Variants in FBXO40 observed in about 807,000 individuals in gnomAD.
FBXO40 encodes F-box protein 40.
Under a neutral mutation model 49.9 loss-of-function variants are expected in FBXO40, and 50 were observed. The observed-to-expected ratio is 1.00, with a 90% CI of 0.80 to 1.27. The LOEUF (loss-of-function observed/expected upper bound fraction) is 1.27, where lower values mean the gene tolerates loss of function less well. Among genes scored for constraint, FBXO40 ranks in the 50% most tolerant of loss-of-function variants. The probability of loss-of-function intolerance (pLI) is 0.00; values close to 1 mark genes in which losing one functional copy is unlikely to be tolerated. For synonymous variants in FBXO40, 340 were observed against 320.2 expected, an observed-to-expected ratio of 1.06 and a Z score of -0.66; for missense variants, 895 against 870.1, an observed-to-expected ratio of 1.03 and a Z score of -0.36.
chr3:121,603,447 C>T (rs11719653), intron 1 of FBXO40, among the ~76,000 whole-genome samples: 54,210 of 152,098 alleles, frequency 0.36, 10,174 homozygotes, highest in East Asian at 0.65. Flanking sequence ...TCAGTGTTAT[C>T]GATGACCATC....
At chr3:121,603,584 A>G (rs541293071) in intron 1 of FBXO40, among the ~76,000 whole-genome samples, 6 of 152,372 alleles carry the variant, frequency 3.9e-5, no homozygotes, top group African/African-American at 1.4e-4. Flanking sequence ...TTCTGTAATT[A>G]TAAGTGGTGG....
At chr3:121,606,756 C>G (rs1023575619) in intron 1 of FBXO40, among the ~76,000 whole-genome samples, 5 of 152,212 alleles carry the variant, frequency 3.3e-5, no homozygotes, top group African/African-American at 1.2e-4. Flanking sequence ...AGCCAGGTCT[C>G]TGATGTTTCC....
At chr3:121,619,426 A>C (rs1015313090) in intron 1 of FBXO40, among the ~76,000 whole-genome samples, 8 of 152,224 alleles carry the variant, frequency 5.3e-5, no homozygotes, top group African/African-American at 1.9e-4. Context: ...GCAAACTGGC[A>C]ACCTACAGAT....
intron 1 of FBXO40, among the ~76,000 whole-genome samples, chr3:121,598,642 G>C (rs1195431868): frequency 6.6e-6 from 1 of 152,182 alleles, no homozygotes; most frequent in Non-Finnish European, 1.5e-5. Context: ...CACTACACCG[G>C]GTGAGCAAGG....
rs1345410220 is a variant in FBXO40 at position 121,627,968 on chromosome 3, T to C, written c.*1058T>C. 5.0e-6 allele frequency: 2 copies of C among 398,452 alleles called. No individual in the cohort carries two copies. The allele number at this position is 398,452 out of a possible 1,614,324, so 24.7% of individuals were successfully genotyped here. A position where few individuals can be genotyped will look rare whatever the true frequency, so the allele number is the denominator to read the frequency against. ...GAGGAAGACATGTGAACATAACGGC[T>C]CCCTGAAATTGCTCCTACCCATCCA... On this transcript the variant is annotated 3_prime_UTR_variant, in exon 4 of 4. Coordinates refer to ENST00000338040, the MANE Select transcript of FBXO40 (RefSeq NM_016298.4).
rs201011500 is a variant in FBXO40 at position 121,621,697 on chromosome 3, G to A, written c.268G>A (p.Ala90Thr). ...KLAKHLQVCP[A>T]SVVCCSMEWN... is the part of the protein sequence containing the mutation. ...GGCCAAGCACCTGCAGGTGTGCCCC[G>A]CCAGCGTGGTCTGCTGCTCCATGGA... The change falls in exon 3 of 4, where the codon GCC becomes ACC. Residue 90 changes from alanine (A) to threonine (T), a missense_variant. Physicochemically the swap from Ala to Thr is moderately conservative, Grantham distance 58. Coordinates refer to ENST00000338040, the MANE Select transcript of FBXO40 (RefSeq NM_016298.4). 103 of 1,614,056 alleles carry A rather than the reference G, an allele frequency of 6.4e-5. No individual in the cohort carries two copies. The highest frequency in any genetic ancestry group is 1.2e-4 in the South Asian group (11 of 91,090).
rs756823315 is a variant in FBXO40 at position 121,622,264 on chromosome 3, C to T, written c.835C>T (p.Arg279Cys). 13 of 1,614,060 alleles carry T rather than the reference C, an allele frequency of 8.1e-6. No individual in the cohort carries two copies. The highest frequency in any genetic ancestry group is 5.5e-5 in the South Asian group (5 of 91,060). ...PQENQKQQDVRTAMETTGLAP... is the reference protein window; with the variant it reads ...PQENQKQQDVCTAMETTGLAP... ...GGAAAATCAGAAGCAGCAGGACGTTCGTACAGCCATGGAAACCACAGGGCT... is the reference window on the plus strand; with the variant it reads ...GGAAAATCAGAAGCAGCAGGACGTTTGTACAGCCATGGAAACCACAGGGCT... The change falls in exon 3 of 4, where the codon CGT (arginine) becomes TGT (cysteine). Residue 279 changes from arginine to cysteine, a missense_variant. Arg to Cys is a radical substitution (Grantham distance 180). Transcript: ENST00000338040.
intron 1 of FBXO40, among the ~76,000 whole-genome samples, chr3:121,612,501 G>A (rs1040615357): frequency 6.6e-6 from 1 of 152,150 alleles, no homozygotes; most frequent in Non-Finnish European, 1.5e-5. Flanking sequence ...GGAACCAGCT[G>A]GGGGAAGCCT....
At chr3:121,612,750 G>T (rs910731111) in intron 1 of FBXO40, among the ~76,000 whole-genome samples, 5 of 151,912 alleles carry the variant, frequency 3.3e-5, no homozygotes, top group African/African-American at 7.3e-5. Context: ...CCTCTCAAAG[G>T]ATATTGGGGC....
rs750701734 is a variant in FBXO40 at position 121,626,914 on chromosome 3, T to C, written c.*4T>C. 46 of 1,613,562 alleles carry C rather than the reference T, an allele frequency of 2.9e-5. No homozygotes were observed. Among genetic ancestry groups the C allele is most frequent in the Non-Finnish European group, 3.6e-5 (43 of 1,179,648 alleles). ...ACGAGGAAGATACGTCTCCTAAAAA[T>C]TCAGATGCCACTCGATGCACCCTTC... On this transcript the variant is annotated 3_prime_UTR_variant, in exon 4 of 4. Transcript: ENST00000338040.
At chr3:121,609,218 C>T (rs2048951289) in intron 1 of FBXO40, among the ~76,000 whole-genome samples, 1 of 151,602 alleles carries the variant, frequency 6.6e-6, no homozygotes, top group African/African-American at 2.4e-5. Context: ...AAGAGAGAAA[C>T]AAATAGTAAA....
At chr3:121,603,894 A>G (rs1221733800) in intron 1 of FBXO40, among the ~76,000 whole-genome samples, 1 of 151,766 alleles carries the variant, frequency 6.6e-6, no homozygotes, top group Non-Finnish European at 1.5e-5. Flanking sequence ...AATTTTTTGT[A>G]TTGTTAGTAG....
At position 121,623,305 on chromosome 3, in the gene FBXO40, T is replaced by G. The variant is rs773454337; in HGVS notation, c.1876T>G (p.Tyr626Asp). 6.2e-7 allele frequency: 1 copy of G among 1,614,164 alleles called. No individual in the cohort carries two copies. Among genetic ancestry groups the G allele is most frequent in the South Asian group, 1.1e-5 (1 of 91,070 alleles). The change falls in exon 3 of 4, where the codon TAT (tyrosine) becomes GAT (aspartate). Residue 626 changes from tyrosine (Y) to aspartate (D), a missense_variant. Transcript: ENST00000338040. The stretch of plus-strand genomic sequence containing the variant: ...CCTTTTGCAATGGAAGAAAAAGAGG[T>G]ATTCCCATGGAGGCACCTCCTGGAG... ...MVLLQWKKKR[Y>D]SHGGTSWRVH...
At position 121,628,169 on chromosome 3, in the gene FBXO40, C is replaced by CTTTT; in HGVS notation, c.*1269_*1272dup. 3.7e-6 allele frequency: 1 copy of CTTTT among 269,470 alleles called. No individual in the cohort carries two copies. Among genetic ancestry groups the CTTTT allele is most frequent in the Non-Finnish European group, 6.8e-6 (1 of 147,146 alleles). The allele number at this position is 269,470 out of a possible 1,614,324, so 16.7% of individuals were successfully genotyped here. ...TATTGACATTTTTAAATGGATAATTCTTTTTTTTTTTTTCTAGGTGGGGAG... is the reference window on the plus strand; with the variant it reads ...TATTGACATTTTTAAATGGATAATTCTTTTTTTTTTTTTTTTTCTAGGTGGGGAG... On this transcript the variant is annotated 3_prime_UTR_variant, in exon 4 of 4. Coordinates refer to ENST00000338040, the MANE Select transcript of FBXO40 (RefSeq NM_016298.4).
At chr3:121,620,235 T>C (rs1314282349) in intron 1 of FBXO40, among the ~76,000 whole-genome samples, 1 of 152,190 alleles carries the variant, frequency 6.6e-6, no homozygotes, top group East Asian at 1.9e-4. Flanking sequence ...GAGAAAGTTA[T>C]AGGAAGCAGA....
chr3:121,624,574 G>C (rs921237653), intron 3 of FBXO40, among the ~76,000 whole-genome samples: 1 of 152,106 alleles, frequency 6.6e-6, no homozygotes, highest in Non-Finnish European at 1.5e-5. Context: ...TGGGGCTAAC[G>C]TAAATGGAGC....
rs1354345480 is a variant in FBXO40, at chr3:121,620,526, A to G, written c.-30-20A>G. On this transcript the variant is annotated intron_variant, in intron 1 of 3. Coordinates refer to ENST00000338040, the MANE Select transcript of FBXO40 (RefSeq NM_016298.4). ...TAACTGTTTTTCTTACTAATTATTT[A>G]TATTCATATTTTCCCGTAGAGCTAA... 1.9e-6 allele frequency: 3 copies of G among 1,610,886 alleles called. No homozygotes were observed. Among genetic ancestry groups the G allele is most frequent in the Admixed American group, 1.7e-5 (1 of 60,008 alleles).
chr3:121,623,658 T>C (rs896953020), intron 3 of FBXO40, among the ~76,000 whole-genome samples: 39 of 151,154 alleles, frequency 2.6e-4, no homozygotes, highest in Non-Finnish European at 5.0e-4. Flanking sequence ...TGAGCCACTG[T>C]ACCTGGCCTT....
chr3:121,608,348 G>A (rs184724077), intron 1 of FBXO40, among the ~76,000 whole-genome samples: 7 of 152,322 alleles, frequency 4.6e-5, no homozygotes, highest in Non-Finnish European at 1.5e-5. Flanking sequence ...GGAATCATCA[G>A]AAATGTTAAT....
Sources: gnomAD v4.1 joint callset for allele counts (sites outside exome capture counted in the v4.1 genomes callset) on GRCh38, gnomAD v4.1.1 for gene constraint, MANE v1.5 for transcripts, NCBI Gene and HGNC (gene_info 2026-07-23, HGNC 2026-07-21) for gene names.